GPHN: variants seen among roughly 807,000 people sequenced by gnomAD.
GPHN encodes the protein gephyrin.
Under a neutral mutation model 95.5 loss-of-function variants are expected in GPHN, and 17 were observed. That is an observed-to-expected ratio of 0.18 (90% CI 0.12 to 0.27). The LOEUF is 0.27. GPHN is among the 10% of genes least tolerant of loss of function. The pLI is 1.00. For synonymous variants in GPHN, 320 were observed against 322.5 expected (o/e 0.99, Z 0.08); for missense variants, 660 against 978.1 (o/e 0.67, Z 4.34).
chr14:66,965,125 G>A (rs1277148119), intron 8 of GPHN, 66 bp from the exon 9 acceptor site: 2 of 1,332,826 alleles, frequency 1.5e-6, no homozygotes, highest in African/African-American at 2.9e-5. Flanking sequence ...AAAACAAAGG[G>A]GGTCTTGATT....
chr14:67,122,300 C>T lies in GPHN; in HGVS notation c.1671C>T (p.Asp557=). 2 of 1,613,102 alleles carry T rather than the reference C, an allele frequency of 1.2e-6. No individual in the cohort carries two copies. The highest frequency in any genetic ancestry group is 1.7e-6 in the Non-Finnish European group (2 of 1,179,140). The change falls in exon 17 of 23, where the codon GAC becomes GAT. Residue 557 remains aspartate, a synonymous_variant. Transcript: ENST00000478722. ...EDDLLPGKIR[D]SNRSTLLATI... ...ACCTCTTACCAGGGAAGATTCGAGA[C>T]AGCAATCGTTCAACTCTTCTAGCAA...
chr14:66,878,715 A>G (rs1007052339), intron 4 of GPHN, among the ~76,000 whole-genome samples: 2 of 152,194 alleles, frequency 1.3e-5, no homozygotes, highest in African/African-American at 4.8e-5. Flanking sequence ...TCAGGAAACC[A>G]TAGATGCTGG....
the GPHN span, among the ~76,000 whole-genome samples, chr14:67,708,245 T>A: frequency 6.6e-6 from 1 of 152,160 alleles, no homozygotes; most frequent in East Asian, 1.9e-4. Flanking sequence ...ATCAGCAACG[T>A]TTTAAGCAAA....
the GPHN span, among the ~76,000 whole-genome samples, chr14:67,233,769 T>G: frequency 6.6e-6 from 1 of 152,312 alleles, no homozygotes; most frequent in East Asian, 1.9e-4. Flanking sequence ...GATTTCCTGA[T>G]GGGTTGAACG....
At chr14:67,683,697 A>C in the GPHN span, among the ~76,000 whole-genome samples, 5 of 152,158 alleles carry the variant, frequency 3.3e-5, no homozygotes, top group Admixed American at 6.5e-5. Flanking sequence ...CTAAACACTA[A>C]AGATAGCTGG....
chr14:67,482,043 C>T, the GPHN span, among the ~76,000 whole-genome samples: 1 of 152,196 alleles, frequency 6.6e-6, no homozygotes. Flanking sequence ...GAACAACATT[C>T]AAATCCGAGA....
intron 10 of GPHN, among the ~76,000 whole-genome samples, chr14:67,045,402 C>G (rs61989654): frequency 6.6e-6 from 1 of 151,992 alleles, no homozygotes; most frequent in Non-Finnish European, 1.5e-5. Context: ...CTCTGTCTCT[C>G]TCTCTGTGTC....
At chr14:67,297,504 A>G in the GPHN span, among the ~76,000 whole-genome samples, 1 of 152,212 alleles carries the variant, frequency 6.6e-6, no homozygotes, top group East Asian at 1.9e-4. Flanking sequence ...AATTTATTCT[A>G]TACATGATTG....
chr14:66,745,383 AC>A lies in GPHN; in HGVS notation c.144-31080del, dbSNP rs2058100150. ...TCAGCATGTTTCCCTAAAATTAAGGACATTGTTCACCGTACTCTTATCATAT... is the reference window on the plus strand; with the variant it reads ...TCAGCATGTTTCCCTAAAATTAAGGAATTGTTCACCGTACTCTTATCATAT... On this transcript the variant is annotated intron_variant, in intron 2 of 22. Transcript: ENST00000478722. 3.3e-5 allele frequency among the ~76,000 whole-genome samples: 5 copies of A among 152,196 alleles called. No individual in the cohort carries two copies. The South Asian group carries it at 6.2e-4, about 19-fold the overall frequency.
At chr14:66,548,934 A>G (rs370574803) in intron 1 of GPHN, among the ~76,000 whole-genome samples, 54 of 152,304 alleles carry the variant, frequency 3.5e-4, no homozygotes, top group African/African-American at 1.2e-3. Context: ...AAATTTTCAT[A>G]TTTCAGTTAA....
chr14:67,463,388 C>A, the GPHN span, among the ~76,000 whole-genome samples: 2 of 152,114 alleles, frequency 1.3e-5, no homozygotes, highest in South Asian at 4.1e-4. Context: ...GCCTGTAATC[C>A]CAGCACTTTG....
rs374302673 is a variant in GPHN, at chr14:66,945,756, G to A, written c.829-19435G>A. 1.1e-3 allele frequency among the ~76,000 whole-genome samples: 172 copies of A among 152,286 alleles called. 3 individuals are homozygous for A. The South Asian group carries it at 0.035, about 31-fold the overall frequency. ...AAGGTAAAAGAAAGCAGTGTGGACA[G>A]GGAGAGCATTAACAGTTCTCTGGGG... On this transcript the variant is annotated intron_variant, in intron 8 of 22. Transcript: ENST00000478722.
At chr14:66,652,623 C>A (rs1324810990) in intron 1 of GPHN, among the ~76,000 whole-genome samples, 1 of 151,698 alleles carries the variant, frequency 6.6e-6, no homozygotes, top group Non-Finnish European at 1.5e-5. Context: ...ATATTATTTG[C>A]CACATATTGG....
chr14:66,924,218 G>T lies in GPHN; in HGVS notation c.754G>T (p.Ala252Ser), dbSNP rs1302782935. ...AKKHPFYTSP[A>S]VVMAHGEQPI... ...GAAGCATCCATTCTACACCAGTCCT[G>T]CTGTTGTCATGGCACACGGTGAACA... Residue 252 changes from alanine to serine, a missense_variant, in exon 8 of 23, where the codon GCT becomes TCT. Physicochemically the swap from Ala to Ser is moderately conservative, Grantham distance 99. Around this residue, in one of 6 missense-constraint regions of GPHN, gnomAD observed 190 missense variants for 224.7 expected, o/e 0.85. Transcript: ENST00000478722. 1.9e-6 allele frequency: 3 copies of T among 1,606,076 alleles called. No homozygotes were observed. Among genetic ancestry groups the T allele is most frequent in the Non-Finnish European group, 2.6e-6 (3 of 1,172,726 alleles).
chr14:66,688,905 G>C (rs1180613263), intron 2 of GPHN, among the ~76,000 whole-genome samples: 1 of 150,364 alleles, frequency 6.7e-6, no homozygotes, highest in Admixed American at 6.6e-5. Context: ...CACACACCGG[G>C]GCCTGTCGGG....
chr14:67,149,257 C>T (rs1456049302), intron 18 of GPHN, among the ~76,000 whole-genome samples: 2 of 152,076 alleles, frequency 1.3e-5, no homozygotes, highest in African/African-American at 2.4e-5. Context: ...GGCAGGAGAA[C>T]CACTTGAATC....
chr14:67,431,905 A>G, the GPHN span, among the ~76,000 whole-genome samples: 1 of 152,102 alleles, frequency 6.6e-6, no homozygotes, highest in Non-Finnish European at 1.5e-5. Flanking sequence ...TTTCTTCTTC[A>G]TTTTGCATAT....
chr14:67,329,794 A>G, the GPHN span, among the ~76,000 whole-genome samples: 1 of 152,024 alleles, frequency 6.6e-6, no homozygotes, highest in Non-Finnish European at 1.5e-5. Flanking sequence ...AGTTCGTGCT[A>G]CTGCACTCCA....
intron 1 of GPHN, among the ~76,000 whole-genome samples, chr14:66,589,723 A>G (rs2061562174): frequency 6.6e-6 from 1 of 152,118 alleles, no homozygotes; most frequent in Non-Finnish European, 1.5e-5. Flanking sequence ...CTCCCACACA[A>G]TAATAGTGGG....
Sources: gnomAD v4.1 joint callset for allele counts (sites outside exome capture counted in the v4.1 genomes callset) on GRCh38, gnomAD v4.1.1 for gene constraint, gnomAD v4.1.1 regional missense constraint, MANE v1.5 for transcripts, NCBI Gene and HGNC (gene_info 2026-07-23, HGNC 2026-07-21) for gene names.